PPIE: variants seen among roughly 807,000 people sequenced by gnomAD.
PPIE encodes the protein peptidylprolyl isomerase E, also known as peptidyl-prolyl cis-trans isomerase E.
Under a neutral mutation model 38.4 loss-of-function variants are expected in PPIE, and 20 were observed. The ratio of observed to expected loss-of-function variants is 0.52; its 90% confidence interval spans 0.37 to 0.76. The LOEUF is 0.76. PPIE is among the 30% of genes least tolerant of loss of function. The pLI, the probability that PPIE is intolerant of heterozygous loss-of-function variation, is 0.00. For synonymous variants in PPIE, 142 were observed against 135.7 expected, an observed-to-expected ratio of 1.05 and a Z score of -0.32; for missense variants, 322 against 385.8, an observed-to-expected ratio of 0.83 and a Z score of 1.39.
rs1647953570 is a variant in PPIE, at chr1:39,753,345, A to C, written c.896A>C (p.Glu299Ala). The change falls in exon 10 of 10, where the codon GAG (glutamate) becomes GCG (alanine). Residue 299 changes from glutamate to alanine, a missense_variant. Transcript: ENST00000324379. ...KQKVIIADCGEYV is the reference protein window; with the variant it reads ...KQKVIIADCGAYV ...AAGGTGATCATCGCCGACTGTGGGG[A>C]GTACGTGTGAGGCGGCACTCTCTCT... The C allele has an allele frequency of 6.2e-7, 1 of 1,613,910 alleles. No homozygotes were observed. The highest frequency in any genetic ancestry group is 1.3e-5 in the African/African-American group (1 of 74,920).
At chr1:39,762,585 CTG>C (rs1325946252) in intron 9 of PPIE, 2 of 1,550,276 alleles carry the variant, frequency 1.3e-6, no homozygotes, top group Non-Finnish European at 1.7e-6. Flanking sequence ...AAGAGAGAAA[CTG>C]GGGGAAAAGC....
chr1:39,750,301 A>G (rs544988015), intron 8 of PPIE, among the ~76,000 whole-genome samples: 2 of 152,270 alleles, frequency 1.3e-5, no homozygotes, highest in South Asian at 4.2e-4. Context: ...GCAGACTTCT[A>G]GTCCCATCTC....
downstream of PPIE, chr1:39,760,174 T>C: frequency 1.5e-6 from 1 of 646,010 alleles, no homozygotes; most frequent in African/African-American, 1.8e-5. Flanking sequence ...GCGTTTGCAT[T>C]TGGGTAGAAC....
intron 9 of PPIE, chr1:39,763,066 CTGGGCAGGA>C: frequency 1.9e-6 from 3 of 1,609,360 alleles, no homozygotes; most frequent in East Asian, 2.2e-5. Context: ...CCCCAGGGGG[CTGGGCAGGA>C]TGGGCATGGT....
chr1:39,759,515 G>C (rs1648662086), downstream of PPIE: 1 of 152,272 alleles, frequency 6.6e-6, no homozygotes, highest in Admixed American at 6.5e-5. Context: ...AAACATTCCA[G>C]ATTGATTACT....
intron 7 of PPIE, 25 bp downstream of exon 7, chr1:39,745,523 C>T (rs771755127): frequency 7.4e-6 from 12 of 1,613,802 alleles, no homozygotes; most frequent in Middle Eastern, 1.6e-4. Context: ...GTGGTCAGAA[C>T]GGCGGGACGC....
In PPIE at chr1:39,763,398, C is replaced by T. The variant is rs770035092; in HGVS notation, c.838-291C>T. Among the ~76,000 whole-genome samples, 82 of 145,160 alleles carry T rather than the reference C, an allele frequency of 5.6e-4. 9 individuals carry two copies. Among genetic ancestry groups the T allele is most frequent in the South Asian group, 8.8e-4 (4 of 4,542 alleles). On this transcript the variant is annotated intron_variant, in intron 9 of 9. Coordinates refer to the PPIE transcript ENST00000356511. ...CTTCACTTTGCGTCCCCTCCCCAGC[C>T]GGCCCTCCCCTGCCCACGCCTCCCA... is the stretch of plus-strand genomic sequence containing the variant.
intron 1 of PPIE, chr1:39,739,946 A>G (rs1647017524): frequency 2.1e-6 from 1 of 475,974 alleles, no homozygotes; most frequent in Non-Finnish European, 3.8e-6. Context: ...TTGTGAAGCT[A>G]TTGCAGTAAT....
intron 9 of PPIE, chr1:39,763,112 G>T: frequency 2.5e-6 from 4 of 1,614,038 alleles, no homozygotes; most frequent in Non-Finnish European, 3.4e-6. Flanking sequence ...AGGATGGCGT[G>T]GTTGGTGGCA....
At chr1:39,745,101 A>G (rs1478693296) in intron 6 of PPIE, among the ~76,000 whole-genome samples, 1 of 152,222 alleles carries the variant, frequency 6.6e-6, no homozygotes, top group Non-Finnish European at 1.5e-5. Context: ...AGGAGGAAGC[A>G]GATGCATCTG....
chr1:39,760,175 T>A, downstream of PPIE: 1 of 652,472 alleles, frequency 1.5e-6, no homozygotes, highest in African/African-American at 1.8e-5. Flanking sequence ...CGTTTGCATT[T>A]GGGTAGAACA....
At position 39,755,855 on chromosome 1, in the gene PPIE, A is replaced by G. The variant is rs1648209404; in HGVS notation, c.*2500A>G. ...GGTAAACTGAGGCTTTATTGGCGTG[A>G]CTGCCAAAGGTCACACAGGGTGGTT... is the stretch of plus-strand genomic sequence containing the variant. On this transcript the variant is annotated 3_prime_UTR_variant, in exon 10 of 10. Coordinates refer to ENST00000324379, the MANE Select transcript of PPIE (RefSeq NM_006112.4). The G allele has an allele frequency of 1.1e-5, 11 of 985,398 alleles. No homozygotes were observed. Among genetic ancestry groups the G allele is most frequent in the Non-Finnish European group, 1.1e-5 (9 of 829,898 alleles). The allele number at this position is 985,398 out of a possible 1,614,324, so 61.0% of individuals were successfully genotyped here.
At chr1:39,756,812 GTATTT>G (rs1648324493), downstream of PPIE, among the ~76,000 whole-genome samples, 1 of 152,140 alleles carries the variant, frequency 6.6e-6, no homozygotes, top group African/African-American at 2.4e-5. Flanking sequence ...GATTTGAATT[GTATTT>G]TATTTTTTAT....
intron 8 of PPIE, among the ~76,000 whole-genome samples, chr1:39,749,491 G>A (rs1557452452): frequency 6.6e-6 from 1 of 152,050 alleles, no homozygotes; most frequent in Non-Finnish European, 1.5e-5. Flanking sequence ...TAGTTCTTAA[G>A]GGGACCCTTG....
rs540930240 is a variant in PPIE, at chr1:39,763,651, A to T, written c.838-38A>T. ...CCATGATTCTATGTCCTCCCTGCAG[A>T]TTCACTTCTGATCTACAGGTGGTGA... On this transcript the variant is annotated intron_variant, in intron 9 of 9. Coordinates refer to the PPIE transcript ENST00000356511. 298 of 1,548,056 alleles carry T rather than the reference A, an allele frequency of 1.9e-4. 3 individuals are homozygous for T. Among genetic ancestry groups the T allele is most frequent in the Non-Finnish European group, 2.5e-4 (287 of 1,132,094 alleles).
At chr1:39,760,180 A>G (rs528558588), downstream of PPIE, 2 of 679,780 alleles carry the variant, frequency 2.9e-6, no homozygotes, top group South Asian at 2.0e-5. Context: ...GCATTTGGGT[A>G]GAACACTGCC....
At chr1:39,753,181 G>C in intron 9 of PPIE, 106 bp from the exon 10 acceptor site, 2 of 1,588,046 alleles carry the variant, frequency 1.3e-6, no homozygotes, top group South Asian at 1.1e-5. Context: ...GGCTGCTGCT[G>C]CCCAGGTTCC....
chr1:39,760,703 A>G, downstream of PPIE: 1 of 1,207,864 alleles, frequency 8.3e-7, no homozygotes, highest in Non-Finnish European at 1.1e-6. Context: ...CAATAATAAT[A>G]ACTATTAACA....
At chr1:39,739,953 T>C (rs921918498) in intron 1 of PPIE, 1 of 485,878 alleles carries the variant, frequency 2.1e-6, no homozygotes, top group Non-Finnish European at 3.7e-6. Flanking sequence ...GCTATTGCAG[T>C]AATCCCAGGA....
Sources: gnomAD v4.1 joint callset for allele counts (sites outside exome capture counted in the v4.1 genomes callset) on GRCh38, gnomAD v4.1.1 for gene constraint, MANE v1.5 for transcripts, NCBI Gene and HGNC (gene_info 2026-07-23, HGNC 2026-07-21) for gene names.